GCN1: variants seen among roughly 807,000 people sequenced by gnomAD.
GCN1 encodes GCN1 activator of EIF2AK4.
Under a neutral mutation model 288.4 loss-of-function variants are expected in GCN1, and 90 were observed. That is an observed-to-expected ratio of 0.31 (90% CI 0.26 to 0.37). The LOEUF is 0.37. GCN1 is among the 10% of genes least tolerant of loss of function. GCN1 has a pLI of 1.00. For synonymous variants in GCN1, 1,386 were observed against 1,420.2 expected, an observed-to-expected ratio of 0.98 and a Z score of 0.54; for missense variants, 2,586 against 3,419.9, an observed-to-expected ratio of 0.76 and a Z score of 6.08.
intron 10 of GCN1, 63 bp from the exon 11 acceptor site, chr12:120,175,937 G>A: frequency 6.4e-7 from 1 of 1,566,312 alleles, no homozygotes; most frequent in South Asian, 1.2e-5. Context: ...TTTCGTCTTT[G>A]TCTTTTCCAT....
At chr12:120,194,530 G>A (rs1019447435) in intron 1 of GCN1, 150 bp downstream of exon 1, 5 of 778,680 alleles carry the variant, frequency 6.4e-6, no homozygotes, top group Admixed American at 3.3e-5. Flanking sequence ...CCGCAGCCCT[G>A]AGAGTCCAGC....
chr12:120,169,007 A>C (rs1024928714), intron 15 of GCN1, among the ~76,000 whole-genome samples: 3 of 152,206 alleles, frequency 2.0e-5, no homozygotes, highest in Admixed American at 6.5e-5. Flanking sequence ...TGAAATAAAG[A>C]AAGCCTGGCC....
At position 120,161,945 on chromosome 12, in the gene GCN1, C is replaced by G; in HGVS notation, c.2277G>C (p.Thr759=). Residue 759 remains threonine, a synonymous_variant, in exon 21 of 58, where the codon ACG becomes ACC. Transcript: ENST00000300648. ...TCTGCATAATGGCAAACTCCTCCCG[C>G]GTCACCAGGCGCAGTGCAGGGTTCT... is the stretch of plus-strand genomic sequence containing the variant. ...SVQNPALRLV[T]REEFAIMQTP... The G allele has an allele frequency of 6.2e-7, 1 of 1,614,150 alleles. No homozygotes were observed. The highest frequency in any genetic ancestry group is 8.5e-7 in the Non-Finnish European group (1 of 1,180,030).
At chr12:120,164,222 T>C in intron 18 of GCN1, 114 bp downstream of exon 18, 1 of 794,096 alleles carries the variant, frequency 1.3e-6, no homozygotes, top group Non-Finnish European at 2.1e-6. Flanking sequence ...GATGCTGGCA[T>C]CACACAGATT....
At position 120,142,848 on chromosome 12, in the gene GCN1, G is replaced by A. The variant is rs777072171; in HGVS notation, c.5589C>T (p.Asn1863=). 2.5e-6 allele frequency: 4 copies of A among 1,613,272 alleles called. No homozygotes were observed. The East Asian group carries it at 8.9e-5, about 36-fold the overall frequency. ...MTTETASEDD[N]FGTAQSNKAI... is the part of the protein sequence containing the mutation. ...CCTTGTTGGACTGGGCAGTTCCAAA[G>A]TTATCATCCTCAGAGGCAGTTTCTG... is the stretch of plus-strand genomic sequence containing the variant. Residue 1863 remains asparagine (N), a synonymous_variant, in exon 43 of 58, where the codon AAC becomes AAT. Coordinates refer to ENST00000300648, the MANE Select transcript of GCN1 (RefSeq NM_006836.2). This position sits in a 1 kb window ranked among gnomAD's most constrained non-coding sequence, Gnocchi z 4.9.
Position 120,158,344 on chromosome 12 carries a change from C to T in GCN1, c.2905+116G>A, listed in dbSNP as rs552773123. ...ACTACGAAGGTTCAATTCAGAAATCCTCCATATGGTCCAATCCCCCAGGCT... is the reference window on the plus strand; with the variant it reads ...ACTACGAAGGTTCAATTCAGAAATCTTCCATATGGTCCAATCCCCCAGGCT... On this transcript the variant is annotated intron_variant, in intron 25 of 57. Coordinates refer to ENST00000300648, the MANE Select transcript of GCN1 (RefSeq NM_006836.2). This position sits in a 1 kb window ranked among gnomAD's most constrained non-coding sequence, Gnocchi z 4.3. 3 of 890,480 alleles carry T rather than the reference C, an allele frequency of 3.4e-6. No individual in the cohort carries two copies. Among genetic ancestry groups the T allele is most frequent in the South Asian group, 1.8e-5 (1 of 56,284 alleles). The allele number at this position is 890,480 out of a possible 1,614,324, so 55.2% of individuals were successfully genotyped here.
rs1343417759 is a variant in GCN1, at chr12:120,165,049, A to AT, written c.1613-329dup. 7.0e-3 allele frequency among the ~76,000 whole-genome samples: 1,041 copies of AT among 147,746 alleles called. 6 individuals carry two copies. Among genetic ancestry groups the AT allele is most frequent in the African/African-American group, 0.024 (959 of 39,254 alleles). On this transcript the variant is annotated intron_variant, in intron 16 of 57. Transcript: ENST00000300648. The stretch of plus-strand genomic sequence containing the variant: ...CACACACACACACATATATATATAT[A>AT]TATTTTTTTTTTTGAGAGACAGTCA...
intron 16 of GCN1, among the ~76,000 whole-genome samples, chr12:120,165,709 A>C (rs1878100922): frequency 6.6e-6 from 1 of 151,058 alleles, no homozygotes; most frequent in Non-Finnish European, 1.5e-5. Context: ...CCTGACCTCA[A>C]GTGATCAGTC....
At chr12:120,181,274 C>T (rs1878648721) in intron 5 of GCN1, among the ~76,000 whole-genome samples, 1 of 150,440 alleles carries the variant, frequency 6.6e-6, no homozygotes. Flanking sequence ...GAGACCAACC[C>T]GGGCAACAAA....
intron 6 of GCN1, 39 bp downstream of exon 6, chr12:120,178,812 TG>T (rs1878559293): frequency 6.2e-7 from 1 of 1,613,762 alleles, no homozygotes; most frequent in Non-Finnish European, 8.5e-7. Context: ...GGGAGTGGCA[TG>T]GAAGAAGCAA....
intron 5 of GCN1, among the ~76,000 whole-genome samples, chr12:120,182,347 T>C (rs61063054): frequency 0.025 from 3,760 of 152,194 alleles, 158 homozygotes; most frequent in African/African-American, 0.084. Flanking sequence ...TCAATTATAC[T>C]GACAGCCATT....
At chr12:120,151,515 C>T in intron 33 of GCN1, 124 bp from the exon 34 acceptor site, 1 of 957,202 alleles carries the variant, frequency 1.0e-6, no homozygotes, top group African/African-American at 1.6e-5. Context: ...CAGCCACTGC[C>T]TGCGGATGTC....
chr12:120,194,519 C>T (rs1879108816), intron 1 of GCN1, among the ~76,000 whole-genome samples, 161 bp downstream of exon 1: 1 of 152,210 alleles, frequency 6.6e-6, no homozygotes, highest in Admixed American at 6.5e-5. Flanking sequence ...CCGGGCCAAG[C>T]CCGCAGCCCT....
rs1877655006 is a variant in GCN1 at position 120,153,937 on chromosome 12, A to AGGGGCAGTCAG, written c.3702-39_3702-29dup. 9 of 1,595,948 alleles carry AGGGGCAGTCAG rather than the reference A, an allele frequency of 5.6e-6. No homozygotes were observed. The highest frequency in any genetic ancestry group is 6.9e-6 in the Non-Finnish European group (8 of 1,167,652). On this transcript the variant is annotated intron_variant, in intron 31 of 57. Coordinates refer to ENST00000300648, the MANE Select transcript of GCN1 (RefSeq NM_006836.2). The surrounding 1 kb of genome is among the most constrained non-coding windows in gnomAD (Gnocchi z 4.4). Reference sequence around the variant, plus strand: ...GGGAAAGAAGTGGGAGCACATCAGGAGGGGCAGTCAGGGGGCCTCCTCTGC... The same window carrying AGGGGCAGTCAG: ...GGGAAAGAAGTGGGAGCACATCAGGAGGGGCAGTCAGGGGGCAGTCAGGGGGCCTCCTCTGC...
At chr12:120,135,107 T>C (rs959522189) in intron 51 of GCN1, among the ~76,000 whole-genome samples, 2 of 152,108 alleles carry the variant, frequency 1.3e-5, no homozygotes, top group Admixed American at 6.5e-5. Context: ...TGAAGCACAG[T>C]TCTAATGCCA....
intron 42 of GCN1, among the ~76,000 whole-genome samples, chr12:120,143,506 C>CG (rs1195118472): frequency 8.7e-5 from 13 of 150,064 alleles, no homozygotes; most frequent in African/African-American, 2.9e-4. Flanking sequence ...TGCTTGAACC[C>CG]GGGAGGCAGA....
chr12:120,191,948 G>C (rs992428803), intron 1 of GCN1, among the ~76,000 whole-genome samples: 1 of 151,996 alleles, frequency 6.6e-6, no homozygotes, highest in Non-Finnish European at 1.5e-5. Flanking sequence ...TGACCCCATC[G>C]CACACCCTCC....
rs1389877494 is a variant in GCN1 at position 120,155,326 on chromosome 12, G to A, written c.3545C>T (p.Ala1182Val). The A allele has an allele frequency of 6.2e-7, 1 of 1,614,066 alleles. No individual in the cohort carries two copies. The highest frequency in any genetic ancestry group is 1.3e-5 in the African/African-American group (1 of 74,916). The change falls in exon 30 of 58, where the codon GCC becomes GTC. Residue 1182 changes from alanine (A) to valine (V), a missense_variant. Transcript: ENST00000300648. This position sits in a 1 kb window ranked among gnomAD's most constrained non-coding sequence, Gnocchi z 4.9. Reference sequence around the variant, plus strand: ...GTAACGTGCCACTGCTTGGGAGAGGGCTTCGGCCCCTGCCTGCCTTACAGC... The same window carrying A: ...GTAACGTGCCACTGCTTGGGAGAGGACTTCGGCCCCTGCCTGCCTTACAGC... Reference protein sequence around the residue: ...EAAVRQAGAEALSQAVARYQR... With the variant: ...EAAVRQAGAEVLSQAVARYQR...
At position 120,156,999 on chromosome 12, in the gene GCN1, G is replaced by A; in HGVS notation, c.3088-7C>T. On this transcript the variant is annotated splice_region_variant and splice_polypyrimidine_tract_variant and intron_variant, in intron 26 of 57. Transcript: ENST00000300648. The surrounding 1 kb of genome is among the most constrained non-coding windows in gnomAD (Gnocchi z 5.8). Reference sequence around the variant, plus strand: ...GCAGCAACTCCGGGCCATTCTAGGAGAGAACGGCAGGTAAGTCGAGATGAG... The same window carrying A: ...GCAGCAACTCCGGGCCATTCTAGGAAAGAACGGCAGGTAAGTCGAGATGAG... 9 of 1,603,608 alleles carry A rather than the reference G, an allele frequency of 5.6e-6. No homozygotes were observed. Among genetic ancestry groups the A allele is most frequent in the Non-Finnish European group, 7.7e-6 (9 of 1,170,630 alleles).
Sources: gnomAD v4.1 joint callset for allele counts (sites outside exome capture counted in the v4.1 genomes callset) on GRCh38, gnomAD v4.1.1 for gene constraint, Gnocchi (gnomAD v3.1) non-coding constraint, MANE v1.5 for transcripts, NCBI Gene and HGNC (gene_info 2026-07-23, HGNC 2026-07-21) for gene names.